PGBD2: variants seen among roughly 807,000 people sequenced by gnomAD.
PGBD2 encodes piggyBac transposable element derived 2.
PGBD2 carries 6 observed loss-of-function variants against 8.1 expected under a neutral mutation model. That is an observed-to-expected ratio of 0.74 (90% CI 0.40 to 1.46). The LOEUF is 1.46. Ranked by LOEUF, PGBD2 falls within the 40% of genes most tolerant of loss-of-function variation. PGBD2 has a pLI of 0.02. For synonymous variants in PGBD2, 318 were observed against 272.2 expected, an observed-to-expected ratio of 1.17 and a Z score of -1.66; for missense variants, 802 against 739.0, an observed-to-expected ratio of 1.09 and a Z score of -0.99.
chr1:248,917,791 G>T lies in PGBD2; in HGVS notation c.1207G>T (p.Asp403Tyr), dbSNP rs777343545. ...MKRGSFDYKVDESEEIIVCRW... is the reference protein window; with the variant it reads ...MKRGSFDYKVYESEEIIVCRW... Reference sequence around the variant, plus strand: ...GAGGGGTTCATTTGATTACAAAGTCGATGAGAGTGAGGAGATCATCGTGTG... The same window carrying T: ...GAGGGGTTCATTTGATTACAAAGTCTATGAGAGTGAGGAGATCATCGTGTG... Residue 403 changes from aspartate (D) to tyrosine (Y), a missense_variant, in exon 3 of 3, where the codon GAT (aspartate) becomes TAT (tyrosine). Physicochemically the swap from Asp to Tyr is radical, Grantham distance 160. Transcript: ENST00000329291. 7.4e-6 allele frequency: 12 copies of T among 1,614,194 alleles called. No homozygotes were observed. The highest frequency in any genetic ancestry group is 1.0e-5 in the Non-Finnish European group (12 of 1,180,036).
chr1:248,888,533 A>G, the PGBD2 span, among the ~76,000 whole-genome samples: 1 of 152,058 alleles, frequency 6.6e-6, no homozygotes, highest in African/African-American at 2.4e-5. Flanking sequence ...GGTTGGCTCT[A>G]TGTCTTCTTT....
Position 248,918,187 on chromosome 1 carries a change from G to T in PGBD2, c.1603G>T (p.Gly535Trp). Reference sequence around the variant, plus strand: ...GAGCAATGCTGACACAACATCTCAAGGGAGGCGAAGCAGGCGGTTGGAGAC... The same window carrying T: ...GAGCAATGCTGACACAACATCTCAATGGAGGCGAAGCAGGCGGTTGGAGAC... ...LESNADTTSQ[G>W]RRSRRLETES... The change falls in exon 3 of 3, where the codon GGG becomes TGG. Residue 535 changes from glycine to tryptophan, a missense_variant. Transcript: ENST00000329291. 6.2e-7 allele frequency: 1 copy of T among 1,614,214 alleles called. No individual in the cohort carries two copies. The highest frequency in any genetic ancestry group is 8.5e-7 in the Non-Finnish European group (1 of 1,180,042).
the PGBD2 span, among the ~76,000 whole-genome samples, chr1:248,873,238 A>G: frequency 1.1e-4 from 16 of 152,098 alleles, no homozygotes; most frequent in African/African-American, 3.9e-4. Context: ...ATTGGACGCT[A>G]AGGCACTCGT....
chr1:248,895,281 G>C, the PGBD2 span, among the ~76,000 whole-genome samples: 9 of 152,274 alleles, frequency 5.9e-5, no homozygotes, highest in East Asian at 1.7e-3. Flanking sequence ...GACCAGTCCT[G>C]CCCACAGAGT....
At chr1:248,919,747 A>G (rs1662245935), downstream of PGBD2, 1 of 166,674 alleles carries the variant, frequency 6.0e-6, no homozygotes, top group South Asian at 2.1e-4. Context: ...CCTTGCCAGC[A>G]TTTGTTATTG....
intron 2 of PGBD2, among the ~76,000 whole-genome samples, chr1:248,914,209 T>G (rs1051697906): frequency 6.6e-6 from 1 of 152,176 alleles, no homozygotes; most frequent in Non-Finnish European, 1.5e-5. Context: ...GCCTGGGGTT[T>G]GAACAGTCAT....
the PGBD2 span, among the ~76,000 whole-genome samples, chr1:248,882,011 T>G: frequency 6.6e-6 from 1 of 152,206 alleles, no homozygotes. Flanking sequence ...GCAAGAAAGC[T>G]TCAAGTTTAT....
the PGBD2 span, among the ~76,000 whole-genome samples, chr1:248,891,743 G>A: frequency 6.6e-6 from 1 of 152,160 alleles, no homozygotes; most frequent in African/African-American, 2.4e-5. Context: ...AAGATGGCTT[G>A]AGCCCTGAAG....
At chr1:248,874,938 AT>A in the PGBD2 span, among the ~76,000 whole-genome samples, 1 of 151,018 alleles carries the variant, frequency 6.6e-6, no homozygotes, top group East Asian at 1.9e-4. Context: ...AGATAGATAG[AT>A]AGATAGATAG....
At position 248,916,794 on chromosome 1, in the gene PGBD2, AC is replaced by A. The variant is rs770832318; in HGVS notation, c.212del (p.Pro71LeufsTer36). ...DEDSQRGAHL[P>X]GSVLHASVLC... ...AAGACAGCCAGCGAGGTGCTCACCT[AC>A]CTGGCAGTGTGCTGCATGCTTCAGT... On this transcript the variant is annotated frameshift_variant, in exon 3 of 3. Coordinates refer to ENST00000329291, the MANE Select transcript of PGBD2 (RefSeq NM_170725.3). LOFTEE classifies it low-confidence loss of function (END_TRUNC). 1 of 1,614,022 alleles carries A rather than the reference AC, an allele frequency of 6.2e-7. No individual in the cohort carries two copies. Among genetic ancestry groups the A allele is most frequent in the African/African-American group, 1.3e-5 (1 of 74,914 alleles).
At chr1:248,876,645 G>T in the PGBD2 span, among the ~76,000 whole-genome samples, 12 of 152,136 alleles carry the variant, frequency 7.9e-5, no homozygotes, top group African/African-American at 2.9e-4. Context: ...CCACTGGATG[G>T]TTGGGTCATG....
chr1:248,904,361 T>G (rs1661583575), upstream of PGBD2, among the ~76,000 whole-genome samples: 1 of 152,236 alleles, frequency 6.6e-6, no homozygotes, highest in South Asian at 2.1e-4. Flanking sequence ...AGATTTGACT[T>G]TGTTTTTAAA....
At chr1:248,908,620 G>T (rs185907014) in intron 1 of PGBD2, among the ~76,000 whole-genome samples, 11 of 151,602 alleles carry the variant, frequency 7.3e-5, no homozygotes, top group Admixed American at 3.3e-4. Context: ...ATACTCAGTT[G>T]TCCATACTGC....
At chr1:248,911,774 G>C (rs979121093) in intron 1 of PGBD2, among the ~76,000 whole-genome samples, 1 of 151,678 alleles carries the variant, frequency 6.6e-6, no homozygotes, top group Non-Finnish European at 1.5e-5. Flanking sequence ...CCTCCCGGAC[G>C]GGGTGGCTGG....
the PGBD2 span, among the ~76,000 whole-genome samples, chr1:248,883,303 A>T: frequency 6.6e-6 from 1 of 151,864 alleles, no homozygotes; most frequent in Non-Finnish European, 1.5e-5. Context: ...TTGTATTTTT[A>T]GTAGAGATGA....
chr1:248,886,521 A>G, the PGBD2 span, among the ~76,000 whole-genome samples: 328 of 152,344 alleles, frequency 2.2e-3, 1 homozygote, highest in African/African-American at 7.0e-3. Flanking sequence ...AAAAGCAGCT[A>G]AAGAGAAGAA....
chr1:248,886,655 A>G, the PGBD2 span, among the ~76,000 whole-genome samples: 1 of 152,104 alleles, frequency 6.6e-6, no homozygotes, highest in Non-Finnish European at 1.5e-5. Context: ...GACTCTTGCC[A>G]TTTGCTTCCT....
At chr1:248,903,940 C>G (rs1009376745), upstream of PGBD2, among the ~76,000 whole-genome samples, 1 of 152,028 alleles carries the variant, frequency 6.6e-6, no homozygotes, top group Non-Finnish European at 1.5e-5. Context: ...TTAGTCAATG[C>G]GACATGAGAA....
chr1:248,877,841 G>A, the PGBD2 span, among the ~76,000 whole-genome samples: 1 of 152,196 alleles, frequency 6.6e-6, no homozygotes, highest in East Asian at 1.9e-4. Flanking sequence ...TAATTATTCT[G>A]CTGATGGCTA....
Sources: gnomAD v4.1 joint callset for allele counts (sites outside exome capture counted in the v4.1 genomes callset) on GRCh38, gnomAD v4.1.1 for gene constraint, MANE v1.5 for transcripts, NCBI Gene and HGNC (gene_info 2026-07-23, HGNC 2026-07-21) for gene names.